Variants in NWD2 observed in about 807,000 individuals in gnomAD.
The protein encoded by NWD2 is NACHT and WD repeat domain containing 2.
Under a neutral mutation model 132.7 loss-of-function variants are expected in NWD2, and 37 were observed. The ratio of observed to expected loss-of-function variants is 0.28; its 90% CI spans 0.21 to 0.37. The LOEUF (loss-of-function observed/expected upper bound fraction) is 0.37, where lower values mean the gene tolerates loss of function less well. Ranked by LOEUF, NWD2 falls within the 10% of genes least tolerant of loss-of-function variation. The pLI, the probability that NWD2 is intolerant of heterozygous loss-of-function variation, is 1.00. For missense variants in NWD2, 1,592 were observed against 2,122.4 expected, an observed-to-expected ratio of 0.75 and a Z score of 4.91; for synonymous variants, 705 against 803.0, an observed-to-expected ratio of 0.88 and a Z score of 2.06.
At chr4:37,306,398 G>A (rs1718709423) in intron 1 of NWD2, among the ~76,000 whole-genome samples, 1 of 151,956 alleles carries the variant, frequency 6.6e-6, no homozygotes, top group Admixed American at 6.6e-5. Context: ...ATAGCTTGAG[G>A]CACAACATGA....
chr4:37,429,948 G>C (rs1313049939), intron 3 of NWD2, among the ~76,000 whole-genome samples: 2 of 142,500 alleles, frequency 1.4e-5, no homozygotes, highest in Non-Finnish European at 3.1e-5. Flanking sequence ...AGCACTCTAT[G>C]GTTATTTTCT....
chr4:37,335,532 T>C (rs183528602), intron 2 of NWD2, among the ~76,000 whole-genome samples: 223 of 152,242 alleles, frequency 1.5e-3, no homozygotes, highest in African/African-American at 5.1e-3. Context: ...GAATCTGTTA[T>C]AGCAGAGGTC....
chr4:37,329,411 G>C (rs1193635060), intron 2 of NWD2, among the ~76,000 whole-genome samples: 1 of 152,180 alleles, frequency 6.6e-6, no homozygotes, highest in East Asian at 1.9e-4. Context: ...CAGGTAGTCA[G>C]AGAAAGACTC....
At chr4:37,282,652 C>T (rs576773056) in intron 1 of NWD2, among the ~76,000 whole-genome samples, 3 of 152,184 alleles carry the variant, frequency 2.0e-5, no homozygotes, top group South Asian at 4.2e-4. Flanking sequence ...AGGCATGCTC[C>T]GAGAACCTAC....
At chr4:37,412,083 GATGCCCTCTCTCATC>G (rs1439579143) in intron 3 of NWD2, among the ~76,000 whole-genome samples, 1 of 152,132 alleles carries the variant, frequency 6.6e-6, no homozygotes, top group Non-Finnish European at 1.5e-5. Flanking sequence ...ACAAGACAAG[GATGCCCTCTCTCATC>G]ACTCCTATTC....
chr4:37,423,869 T>C (rs1034531665), intron 3 of NWD2, among the ~76,000 whole-genome samples: 13 of 152,198 alleles, frequency 8.5e-5, no homozygotes, highest in African/African-American at 2.9e-4. Context: ...GTTTGAGTAA[T>C]TGACTTGTAA....
chr4:37,363,572 G>T (rs1720024938), intron 3 of NWD2, among the ~76,000 whole-genome samples: 1 of 152,098 alleles, frequency 6.6e-6, no homozygotes. Context: ...ACTTACAAGT[G>T]GGAACCAAAA....
chr4:37,432,364 G>GAAAAAA (rs71185140), intron 4 of NWD2, among the ~76,000 whole-genome samples: 1 of 138,572 alleles, frequency 7.2e-6, no homozygotes, highest in Non-Finnish European at 1.6e-5. Context: ...GGGTGAAGAA[G>GAAAAAA]AAAAAAAAAA....
At chr4:37,297,338 T>C (rs1446628771) in intron 1 of NWD2, among the ~76,000 whole-genome samples, 1 of 152,226 alleles carries the variant, frequency 6.6e-6, no homozygotes, top group Non-Finnish European at 1.5e-5. Context: ...GTATTATTTG[T>C]ATTATTTTTA....
chr4:37,436,936 A>G (rs1712338307), intron 5 of NWD2, among the ~76,000 whole-genome samples: 1 of 152,206 alleles, frequency 6.6e-6, no homozygotes, highest in African/African-American at 2.4e-5. Flanking sequence ...TGTAAAATGT[A>G]CTGATGCTCA....
intron 1 of NWD2, among the ~76,000 whole-genome samples, chr4:37,303,530 G>A (rs1718648301): frequency 6.6e-6 from 1 of 152,130 alleles, no homozygotes; most frequent in Non-Finnish European, 1.5e-5. Context: ...CATTGAATCT[G>A]TAGATTAGGT....
At chr4:37,325,290 G>A (rs2109287472) in intron 1 of NWD2, among the ~76,000 whole-genome samples, 1 of 152,180 alleles carries the variant, frequency 6.6e-6, no homozygotes, top group African/African-American at 2.4e-5. Context: ...GGTTTACATG[G>A]TATGACATAT....
In NWD2 at chr4:37,433,963, C is replaced by T; in HGVS notation, c.649C>T (p.Leu217=). Residue 217 remains leucine, a synonymous_variant, in exon 5 of 7, where the codon CTG becomes TTG. Coordinates refer to ENST00000309447, the MANE Select transcript of NWD2 (RefSeq NM_001144990.2). ...IKKIFKAAVK[L]LHEKGKMKHS... ...GAAGATATTTAAGGCTGCTGTAAAGCTGTTACACGAAAAGGGTAAAATGAA... is the reference window on the plus strand; with the variant it reads ...GAAGATATTTAAGGCTGCTGTAAAGTTGTTACACGAAAAGGGTAAAATGAA... 6.4e-7 allele frequency: 1 copy of T among 1,550,650 alleles called. No homozygotes were observed. The highest frequency in any genetic ancestry group is 8.7e-7 in the Non-Finnish European group (1 of 1,146,302).
intron 3 of NWD2, among the ~76,000 whole-genome samples, chr4:37,373,806 C>A (rs1340593563): frequency 6.6e-6 from 1 of 152,122 alleles, no homozygotes; most frequent in Non-Finnish European, 1.5e-5. Context: ...TTACAAACAT[C>A]AAGTTTGGAT....
chr4:37,258,939 C>T (rs918941193), intron 1 of NWD2, among the ~76,000 whole-genome samples: 1 of 152,178 alleles, frequency 6.6e-6, no homozygotes, highest in African/African-American at 2.4e-5. Context: ...AAGGCAGACC[C>T]ATGCTGTGGA....
intron 3 of NWD2, among the ~76,000 whole-genome samples, chr4:37,381,477 G>A (rs1371245658): frequency 1.3e-5 from 2 of 152,150 alleles, no homozygotes; most frequent in Non-Finnish European, 2.9e-5. Context: ...CCTGGAGTGC[G>A]AGGAGATTAA....
chr4:37,360,566 A>G (rs1223377397), intron 3 of NWD2, among the ~76,000 whole-genome samples: 2 of 152,206 alleles, frequency 1.3e-5, no homozygotes, highest in African/African-American at 4.8e-5. Context: ...GGCAGCCCCT[A>G]GCAGGGAGAC....
At chr4:37,410,310 T>G (rs1721130200) in intron 3 of NWD2, among the ~76,000 whole-genome samples, 1 of 152,052 alleles carries the variant, frequency 6.6e-6, no homozygotes, top group South Asian at 2.1e-4. Flanking sequence ...TGGAGGAATA[T>G]TTACCAAGCA....
intron 3 of NWD2, among the ~76,000 whole-genome samples, chr4:37,427,721 A>G (rs1712047318): frequency 6.6e-6 from 1 of 152,246 alleles, no homozygotes; most frequent in African/African-American, 2.4e-5. Flanking sequence ...CATTGAGGCC[A>G]GTACTGAGGA....
Sources: allele counts gnomAD v4.1 joint callset (sites outside exome capture counted in the v4.1 genomes callset), GRCh38; gene constraint gnomAD v4.1.1; transcripts MANE v1.5; gene names NCBI Gene and HGNC (gene_info 2026-07-23, HGNC 2026-07-21).